DPP10: variants seen among roughly 807,000 people sequenced by gnomAD.
DPP10 encodes dipeptidyl peptidase like 10.
DPP10 carries 33 observed loss-of-function variants against 120.9 expected under a neutral mutation model. That is an observed-to-expected ratio of 0.27 (90% CI 0.21 to 0.37). The LOEUF is 0.37. Among genes scored for constraint, DPP10 ranks in the 10% least tolerant of loss-of-function variants. The pLI is 1.00. For missense variants in DPP10, 816 were observed against 942.8 expected (o/e 0.87, Z 1.76); for synonymous variants, 337 against 326.1 (o/e 1.03, Z -0.36).
intron 1 of DPP10, among the ~76,000 whole-genome samples, chr2:115,100,001 A>C (rs2048599901): frequency 6.6e-6 from 1 of 152,196 alleles, no homozygotes; most frequent in Non-Finnish European, 1.5e-5. Flanking sequence ...CTGTGAGTAG[A>C]AAAGGCAAAT....
At chr2:115,660,470 G>A (rs932313025) in intron 5 of DPP10, among the ~76,000 whole-genome samples, 2 of 152,186 alleles carry the variant, frequency 1.3e-5, no homozygotes, top group East Asian at 1.9e-4. Flanking sequence ...AGGGGATGGA[G>A]ATTTCTCCCC....
In DPP10 at chr2:115,607,537, T is replaced by A. The variant is rs538769170; in HGVS notation, c.441+81565T>A. Among the ~76,000 whole-genome samples, 11 of 152,356 alleles carry A rather than the reference T, an allele frequency of 7.2e-5. No homozygotes were observed. The South Asian group carries it at 2.3e-3, about 32-fold the overall frequency. ...TCTCCTATAATTTCAGTTAGCACTT[T>A]TAGAAATTGTGCTAAAGTAAAACAA... On this transcript the variant is annotated intron_variant, in intron 5 of 25. Transcript: ENST00000410059.
chr2:115,605,432 G>A (rs1575315686), intron 5 of DPP10, among the ~76,000 whole-genome samples: 1 of 152,098 alleles, frequency 6.6e-6, no homozygotes, highest in South Asian at 2.1e-4. Flanking sequence ...TATTTCCCCA[G>A]TTTTGTATGA....
intron 2 of DPP10, among the ~76,000 whole-genome samples, chr2:115,317,353 A>T (rs1006604752): frequency 6.6e-6 from 1 of 152,162 alleles, no homozygotes; most frequent in Non-Finnish European, 1.5e-5. Flanking sequence ...CCACCAAGTC[A>T]CTTGTAACAG....
chr2:115,458,727 A>G (rs969229264), intron 3 of DPP10, among the ~76,000 whole-genome samples: 4 of 152,200 alleles, frequency 2.6e-5, no homozygotes, highest in African/African-American at 7.2e-5. Flanking sequence ...ACTCTGATAT[A>G]GAGGACTAGA....
At chr2:115,743,223 G>A (rs902059615) in intron 9 of DPP10, among the ~76,000 whole-genome samples, 1 of 152,034 alleles carries the variant, frequency 6.6e-6, no homozygotes, top group Non-Finnish European at 1.5e-5. Context: ...CTTGCGATGT[G>A]TGCTTAATTT....
At chr2:115,312,983 G>T (rs957166790) in intron 2 of DPP10, among the ~76,000 whole-genome samples, 1 of 152,090 alleles carries the variant, frequency 6.6e-6, no homozygotes, top group African/African-American at 2.4e-5. Flanking sequence ...CAGCACTTTG[G>T]GAGGCCGAGG....
intron 3 of DPP10, among the ~76,000 whole-genome samples, chr2:115,430,085 T>C (rs1211005450): frequency 6.6e-6 from 1 of 152,154 alleles, no homozygotes; most frequent in East Asian, 1.9e-4. Context: ...GGAAATAAAT[T>C]AAATGAATTA....
chr2:115,733,449 G>A (rs772633622), intron 8 of DPP10, among the ~76,000 whole-genome samples: 2 of 152,200 alleles, frequency 1.3e-5, no homozygotes, highest in Admixed American at 6.5e-5. Context: ...ATAGATCATC[G>A]ATGGCCTTGA....
intron 1 of DPP10, among the ~76,000 whole-genome samples, chr2:114,683,599 T>C (rs976311256): frequency 2.6e-5 from 4 of 151,330 alleles, no homozygotes; most frequent in Non-Finnish European, 5.9e-5. Flanking sequence ...TTTTTTTCTT[T>C]CTTTCTTGCT....
At chr2:115,404,794 G>A (rs74718749) in intron 3 of DPP10, among the ~76,000 whole-genome samples, 11,930 of 152,110 alleles carry the variant, frequency 0.078, 530 homozygotes, top group Middle Eastern at 0.13. Flanking sequence ...AAATTGGAGA[G>A]GCAACTTCAC....
At chr2:114,695,420 A>C (rs575720835) in intron 1 of DPP10, among the ~76,000 whole-genome samples, 2 of 152,076 alleles carry the variant, frequency 1.3e-5, no homozygotes, top group African/African-American at 4.8e-5. Flanking sequence ...AATGCTAAAC[A>C]GTTGTACATT....
chr2:115,779,964 C>T (rs758121026), intron 15 of DPP10, among the ~76,000 whole-genome samples: 3 of 151,868 alleles, frequency 2.0e-5, no homozygotes, highest in Non-Finnish European at 2.9e-5. Context: ...CCTTAACACC[C>T]CTGTTCCAAT....
chr2:115,728,087 C>T (rs774077491), intron 8 of DPP10, 151 bp downstream of exon 8: 30 of 836,588 alleles, frequency 3.6e-5, no homozygotes, highest in African/African-American at 8.8e-5. Context: ...CATATCTTTG[C>T]ATGTGCTTAT....
At chr2:114,556,819 A>G (rs1688352695) in intron 1 of DPP10, among the ~76,000 whole-genome samples, 1 of 152,120 alleles carries the variant, frequency 6.6e-6, no homozygotes, top group African/African-American at 2.4e-5. Context: ...AGCATAGTAA[A>G]ATTCTAGATT....
intron 1 of DPP10, among the ~76,000 whole-genome samples, chr2:114,450,702 C>G (rs970854487): frequency 1.6e-4 from 24 of 149,184 alleles, no homozygotes; most frequent in African/African-American, 5.7e-4. Flanking sequence ...TGCTATTTCT[C>G]TTGAGGATAA....
intron 1 of DPP10, among the ~76,000 whole-genome samples, chr2:114,467,937 T>C (rs1300093610): frequency 1.3e-5 from 2 of 152,134 alleles, no homozygotes; most frequent in Non-Finnish European, 2.9e-5. Flanking sequence ...GAGAATCACA[T>C]GAGCCCGGGA....
intron 3 of DPP10, among the ~76,000 whole-genome samples, chr2:115,443,812 C>T (rs531620786): frequency 6.6e-6 from 1 of 152,206 alleles, no homozygotes; most frequent in African/African-American, 2.4e-5. Context: ...TGTTCTAGGT[C>T]AGAGTTTCTC....
At position 115,341,261 on chromosome 2, in the gene DPP10, A is replaced by C. The variant is rs528716435; in HGVS notation, c.176-2556A>C. Among the ~76,000 whole-genome samples, 23 of 151,772 alleles carry C rather than the reference A, an allele frequency of 1.5e-4. No individual in the cohort carries two copies. The East Asian group carries it at 3.9e-3, about 26-fold the overall frequency. ...ATGTAATACCCAGGGTTTTTTTAAT[A>C]GTTTTTTTTTATAATAGATTATTTT... On this transcript the variant is annotated intron_variant, in intron 2 of 25. Coordinates refer to ENST00000410059, the MANE Select transcript of DPP10 (RefSeq NM_020868.6).
Sources: allele counts gnomAD v4.1 joint callset (sites outside exome capture counted in the v4.1 genomes callset), GRCh38; gene constraint gnomAD v4.1.1; transcripts MANE v1.5; gene names NCBI Gene and HGNC (gene_info 2026-07-23, HGNC 2026-07-21).